BMERB1: variants seen among roughly 807,000 people sequenced by gnomAD.
BMERB1 encodes the protein bMERB domain-containing protein 1.
A neutral mutation model predicts 23.6 loss-of-function variants in BMERB1; 12 were observed. The ratio of observed to expected loss-of-function variants is 0.51; its 90% CI spans 0.33 to 0.82. BMERB1 has a LOEUF of 0.82. BMERB1 is among the 40% of genes least tolerant of loss of function. The pLI, the probability that BMERB1 is intolerant of heterozygous loss-of-function variation, is 0.03. For missense variants in BMERB1, 247 were observed against 255.4 expected, an observed-to-expected ratio of 0.97 and a Z score of 0.22; for synonymous variants, 122 against 96.6, an observed-to-expected ratio of 1.26 and a Z score of -1.54.
At chr16:15,575,555 G>A (rs986461637) in intron 3 of BMERB1, among the ~76,000 whole-genome samples, 1 of 152,162 alleles carries the variant, frequency 6.6e-6, no homozygotes, top group Non-Finnish European at 1.5e-5. Flanking sequence ...GGTTCTTGGT[G>A]TTTTGAACAA....
chr16:15,449,067 C>T (rs565202697), intron 1 of BMERB1, among the ~76,000 whole-genome samples: 17 of 152,034 alleles, frequency 1.1e-4, no homozygotes, highest in African/African-American at 4.1e-4. Context: ...ACAACAGAAA[C>T]AAAAAAACGA....
intron 1 of BMERB1, among the ~76,000 whole-genome samples, chr16:15,506,036 G>A (rs1435667740): frequency 6.6e-6 from 1 of 152,038 alleles, no homozygotes; most frequent in African/African-American, 2.4e-5. Flanking sequence ...ATGGGCATTG[G>A]GATCAGATAG....
At chr16:15,518,499 G>A (rs1450720193) in intron 2 of BMERB1, among the ~76,000 whole-genome samples, 8 of 152,142 alleles carry the variant, frequency 5.3e-5, no homozygotes, top group Non-Finnish European at 7.3e-5. Context: ...CAGGACAAAG[G>A]ACACAGTATG....
At chr16:15,440,918 G>T (rs1466181318) in intron 1 of BMERB1, among the ~76,000 whole-genome samples, 1 of 152,148 alleles carries the variant, frequency 6.6e-6, no homozygotes, top group Non-Finnish European at 1.5e-5. Flanking sequence ...ATAGGGAAGG[G>T]GTACTTTTCA....
intron 1 of BMERB1, among the ~76,000 whole-genome samples, chr16:15,514,858 A>G (rs2051725965): frequency 6.6e-6 from 1 of 152,188 alleles, no homozygotes; most frequent in South Asian, 2.1e-4. Flanking sequence ...AGGCGGGTAG[A>G]TCACAAGGTC....
At chr16:15,574,364 C>T (rs1056147528) in intron 3 of BMERB1, among the ~76,000 whole-genome samples, 17 of 152,170 alleles carry the variant, frequency 1.1e-4, no homozygotes, top group African/African-American at 3.1e-4. Context: ...AAAGCCTAAC[C>T]GTATCACCTA....
intron 1 of BMERB1, among the ~76,000 whole-genome samples, chr16:15,477,283 G>A (rs1338405093): frequency 3.3e-5 from 5 of 152,102 alleles, no homozygotes; most frequent in Admixed American, 3.3e-4. Flanking sequence ...AAAACCATCA[G>A]ATCTCATGAG....
At chr16:15,556,889 A>G (rs1047198859) in intron 2 of BMERB1, among the ~76,000 whole-genome samples, 4 of 152,112 alleles carry the variant, frequency 2.6e-5, no homozygotes, top group African/African-American at 9.7e-5. Context: ...CGGCCCAGAC[A>G]TGACATCTTT....
rs542115688 is a variant in BMERB1 at position 15,473,202 on chromosome 16, A to G, written c.106+38443A>G. 3.3e-5 allele frequency among the ~76,000 whole-genome samples: 5 copies of G among 151,992 alleles called. No individual in the cohort carries two copies. In the South Asian group the frequency reaches 1.0e-3, roughly 32 times the overall value. The stretch of plus-strand genomic sequence containing the variant: ...AAAATTATTATTGATTTTTGTGGGT[A>G]CATAAGTACCCAAATAAGATAAAAC... On this transcript the variant is annotated intron_variant, in intron 1 of 5. Coordinates refer to ENST00000300006, the MANE Select transcript of BMERB1 (RefSeq NM_033201.3).
At chr16:15,580,875 A>G (rs763436251) in intron 3 of BMERB1, among the ~76,000 whole-genome samples, 1 of 150,512 alleles carries the variant, frequency 6.6e-6, no homozygotes, top group Admixed American at 6.6e-5. Flanking sequence ...TCACCCTCTC[A>G]TCTGTCTCTC....
chr16:15,534,296 A>G lies in BMERB1; in HGVS notation c.230+18868A>G, dbSNP rs1007070319. ...TTTTTTTTTTAATTGCAAAAAAAAAAAAAAAAAAAAAAAAAAAAAGAAAAG... is the reference window on the plus strand; with the variant it reads ...TTTTTTTTTTAATTGCAAAAAAAAAGAAAAAAAAAAAAAAAAAAAGAAAAG... On this transcript the variant is annotated intron_variant, in intron 2 of 5. Transcript: ENST00000300006. Among the ~76,000 whole-genome samples the G allele has an allele frequency of 9.6e-4, 119 of 123,502 alleles. 1 individual carries two copies. Among genetic ancestry groups the G allele is most frequent in the Non-Finnish European group, 1.6e-3 (99 of 63,526 alleles). 81.0% of individuals were successfully genotyped at this position (123,502 alleles called of 152,430 possible).
chr16:15,545,053 A>G (rs1358371581), intron 2 of BMERB1, among the ~76,000 whole-genome samples: 1 of 151,868 alleles, frequency 6.6e-6, no homozygotes, highest in African/African-American at 2.4e-5. Context: ...GCTCACTGCA[A>G]CCTCTGCCCC....
At chr16:15,533,059 C>G (rs1466345288) in intron 2 of BMERB1, 2 of 455,152 alleles carry the variant, frequency 4.4e-6, no homozygotes, top group Non-Finnish European at 8.8e-6. Flanking sequence ...AGCCATGCAT[C>G]CAGTATCTCG....
rs1323232751 is a variant in BMERB1 at position 15,582,799 on chromosome 16, A to T, written c.420-357A>T. Among the ~76,000 whole-genome samples, 5 of 152,234 alleles carry T rather than the reference A, an allele frequency of 3.3e-5. No homozygotes were observed. The East Asian group carries it at 9.7e-4, about 29-fold the overall frequency. On this transcript the variant is annotated intron_variant, in intron 4 of 5. Transcript: ENST00000300006. Reference sequence around the variant, plus strand: ...GAGCTGGGGTGACTCGCTCTCTGAGACCTGCCTCATACTTTGTGGGAGCAC... The same window carrying T: ...GAGCTGGGGTGACTCGCTCTCTGAGTCCTGCCTCATACTTTGTGGGAGCAC...
At chr16:15,437,620 C>A (rs1259830907) in intron 1 of BMERB1, among the ~76,000 whole-genome samples, 1 of 152,084 alleles carries the variant, frequency 6.6e-6, no homozygotes, top group Non-Finnish European at 1.5e-5. Context: ...CAGTTTCAAT[C>A]CTGAAATTTT....
chr16:15,517,495 A>G (rs1180344339), intron 2 of BMERB1, among the ~76,000 whole-genome samples: 1 of 152,182 alleles, frequency 6.6e-6, no homozygotes, highest in African/African-American at 2.4e-5. Context: ...TGGGCAACAG[A>G]GAGAAACTAT....
At chr16:15,541,412 C>G (rs891096245) in intron 2 of BMERB1, among the ~76,000 whole-genome samples, 2 of 148,112 alleles carry the variant, frequency 1.4e-5, no homozygotes, top group African/African-American at 5.1e-5. Context: ...CTGGAAGTTG[C>G]CCGCCGAATT....
intron 1 of BMERB1, among the ~76,000 whole-genome samples, chr16:15,439,330 C>T (rs1047326547): frequency 5.6e-5 from 8 of 143,472 alleles, no homozygotes; most frequent in South Asian, 2.4e-4. Context: ...TGTAGTAATG[C>T]GCACTTCGGA....
intron 1 of BMERB1, among the ~76,000 whole-genome samples, chr16:15,437,943 G>A (rs1479945041): frequency 1.3e-5 from 2 of 150,332 alleles, no homozygotes; most frequent in African/African-American, 4.9e-5. Flanking sequence ...GGGTGACAGA[G>A]TGAGACTCCC....
Sources: allele counts gnomAD v4.1 joint callset (sites outside exome capture counted in the v4.1 genomes callset), GRCh38; gene constraint gnomAD v4.1.1; transcripts MANE v1.5; gene names NCBI Gene and HGNC (gene_info 2026-07-23, HGNC 2026-07-21).